Variants in ZNF599 observed in about 807,000 individuals in gnomAD.
ZNF599 encodes zinc finger protein 599.
Under a neutral mutation model 11.7 loss-of-function variants are expected in ZNF599, and 10 were observed. That is an observed-to-expected ratio of 0.86 (90% confidence interval 0.53 to 1.45). ZNF599 has a LOEUF of 1.45. Ranked by LOEUF, ZNF599 falls within the 40% of genes most tolerant of loss-of-function variation. The probability of loss-of-function intolerance (pLI) is 0.00; values close to 1 mark genes in which losing one functional copy is unlikely to be tolerated. For synonymous variants in ZNF599, 232 were observed against 253.2 expected, an observed-to-expected ratio of 0.92 and a Z score of 0.79; for missense variants, 688 against 713.6, an observed-to-expected ratio of 0.96 and a Z score of 0.41.
the ZNF599 span, among the ~76,000 whole-genome samples, chr19:34,785,222 G>A: frequency 6.6e-6 from 1 of 152,026 alleles, no homozygotes; most frequent in African/African-American, 2.4e-5. Context: ...TACCCTTCAT[G>A]TTAGAAAATC....
At chr19:34,802,820 C>T in the ZNF599 span, among the ~76,000 whole-genome samples, 1 of 152,094 alleles carries the variant, frequency 6.6e-6, no homozygotes, top group Non-Finnish European at 1.5e-5. Context: ...TAAGAAGCAC[C>T]CATAGCTCTT....
chr19:34,790,376 GA>G, the ZNF599 span, among the ~76,000 whole-genome samples: 9 of 151,986 alleles, frequency 5.9e-5, no homozygotes, highest in African/African-American at 1.9e-4. Flanking sequence ...ATGAATACAG[GA>G]AAAAATGAAT....
chr19:34,769,926 G>A (rs1254476610), intron 1 of ZNF599, among the ~76,000 whole-genome samples: 2 of 152,204 alleles, frequency 1.3e-5, no homozygotes, highest in Non-Finnish European at 2.9e-5. Context: ...GGCTTCACAT[G>A]CTGTGTTCAA....
At chr19:34,794,466 C>A in the ZNF599 span, among the ~76,000 whole-genome samples, 1 of 152,192 alleles carries the variant, frequency 6.6e-6, no homozygotes, top group African/African-American at 2.4e-5. Context: ...TGCTTAGATA[C>A]TGTTTTGATC....
chr19:34,774,809 ATATGT>A (rs1402729588), upstream of ZNF599, among the ~76,000 whole-genome samples: 1 of 152,164 alleles, frequency 6.6e-6, no homozygotes, highest in African/African-American at 2.4e-5. Flanking sequence ...TCTCAGGGTG[ATATGT>A]TATGCATCTA....
chr19:34,790,111 C>T, the ZNF599 span, among the ~76,000 whole-genome samples: 2 of 152,162 alleles, frequency 1.3e-5, no homozygotes, highest in Non-Finnish European at 2.9e-5. Flanking sequence ...AGAGACTGTC[C>T]TTTTCCCATG....
In ZNF599 at chr19:34,760,134, C is replaced by T. The variant is rs1441847975; in HGVS notation, c.667G>A (p.Gly223Arg). Residue 223 changes from glycine (G) to arginine (R), a missense_variant, in exon 4 of 4, where the codon GGA (glycine) becomes AGA (arginine). Transcript: ENST00000329285. ...TCATTGCACTCATAGGGCTTCACTC[C>T]AGCATGAATCTGTTGATGCCGAACA... is the stretch of plus-strand genomic sequence containing the variant. ...ALVRHQQIHA[G>R]VKPYECNECG... 12 of 1,614,046 alleles carry T rather than the reference C, an allele frequency of 7.4e-6. No homozygotes were observed. In the South Asian group the frequency reaches 9.9e-5, roughly 13 times the overall value.
chr19:34,772,268 C>A, intron 1 of ZNF599: 1 of 961,162 alleles, frequency 1.0e-6, no homozygotes, highest in South Asian at 4.8e-5. Flanking sequence ...CAGACGGCAT[C>A]TGCAAAGATA....
rs1212570421 is a variant in ZNF599, at chr19:34,770,871, C to T, written c.19-1316G>A. On this transcript the variant is annotated intron_variant, in intron 1 of 3. Transcript: ENST00000329285. The stretch of plus-strand genomic sequence containing the variant: ...TGCCGGGAAGGTTCCCCAAAGACCC[C>T]TTCATTCCAATGTCCACCTGCTAGA... Among the ~76,000 whole-genome samples, 3 of 152,202 alleles carry T rather than the reference C, an allele frequency of 2.0e-5. No individual in the cohort carries two copies. In the South Asian group the frequency reaches 6.2e-4, roughly 32 times the overall value.
chr19:34,773,427 C>T (rs1392133296), upstream of ZNF599, among the ~76,000 whole-genome samples: 1 of 152,116 alleles, frequency 6.6e-6, no homozygotes, highest in Non-Finnish European at 1.5e-5. Context: ...AGGAGAGGCA[C>T]ACAGAGTTCC....
the ZNF599 span, among the ~76,000 whole-genome samples, chr19:34,805,370 G>A: frequency 6.6e-6 from 1 of 151,868 alleles, no homozygotes; most frequent in Non-Finnish European, 1.5e-5. Flanking sequence ...GCTAATTTTT[G>A]TATGTTTAGT....
chr19:34,790,195 A>G, the ZNF599 span, among the ~76,000 whole-genome samples: 2 of 152,138 alleles, frequency 1.3e-5, no homozygotes, highest in Non-Finnish European at 2.9e-5. Context: ...CTCTCTATTC[A>G]ATTAACGATA....
intron 2 of ZNF599, 76 bp downstream of exon 2, chr19:34,769,353 T>G (rs1600158946): frequency 6.2e-7 from 1 of 1,607,622 alleles, no homozygotes; most frequent in Non-Finnish European, 8.5e-7. Flanking sequence ...CTGAGGCTCC[T>G]GGACCAGCCA....
chr19:34,788,057 A>T, the ZNF599 span, among the ~76,000 whole-genome samples: 8 of 152,220 alleles, frequency 5.3e-5, no homozygotes, highest in African/African-American at 1.4e-4. Context: ...TTTACACAGC[A>T]CTTACATTGT....
At chr19:34,795,807 G>A in the ZNF599 span, among the ~76,000 whole-genome samples, 1 of 151,032 alleles carries the variant, frequency 6.6e-6, no homozygotes, top group East Asian at 1.9e-4. Flanking sequence ...GTACTTATCT[G>A]TGCATTTTCT....
At chr19:34,795,183 A>G in the ZNF599 span, among the ~76,000 whole-genome samples, 1 of 152,242 alleles carries the variant, frequency 6.6e-6, no homozygotes, top group Non-Finnish European at 1.5e-5. Flanking sequence ...AGTAAAAACC[A>G]TGTCGTACTT....
At chr19:34,776,654 C>T (rs1211145749), upstream of ZNF599, among the ~76,000 whole-genome samples, 1 of 152,120 alleles carries the variant, frequency 6.6e-6, no homozygotes, top group African/African-American at 2.4e-5. Context: ...TAGTGGAGCC[C>T]CAAAGTGGGG....
the ZNF599 span, among the ~76,000 whole-genome samples, chr19:34,788,971 CTT>C: frequency 6.6e-6 from 1 of 152,194 alleles, no homozygotes; most frequent in Admixed American, 6.5e-5. Flanking sequence ...CACCCACCCT[CTT>C]AGCATTTTTT....
At chr19:34,795,173 A>C in the ZNF599 span, among the ~76,000 whole-genome samples, 1 of 152,230 alleles carries the variant, frequency 6.6e-6, no homozygotes, top group South Asian at 2.1e-4. Flanking sequence ...CCATAGTAAG[A>C]GTAAAAACCA....
Sources: gnomAD v4.1 joint callset for allele counts (sites outside exome capture counted in the v4.1 genomes callset) on GRCh38, gnomAD v4.1.1 for gene constraint, MANE v1.5 for transcripts, NCBI Gene and HGNC (gene_info 2026-07-23, HGNC 2026-07-21) for gene names.